The following CPAP variants were observed in gnomAD, a reference collection of about 807,000 sequenced individuals.
CPAP encodes the protein centrosome assembly and centriole elongation protein, also known as centrosomal P4.1-associated protein.
the CPAP span, chr13:24,889,375 CT>C: frequency 6.2e-7 from 1 of 1,611,222 alleles, no homozygotes; most frequent in Non-Finnish European, 8.5e-7. Context: ...AGAAATCTGA[CT>C]GTTTTGAAAT....
the CPAP span, chr13:24,884,327 CTT>C: frequency 6.2e-7 from 1 of 1,614,158 alleles, no homozygotes; most frequent in Non-Finnish European, 8.5e-7. Flanking sequence ...ACATACCACT[CTT>C]TGGTCTGGCA....
the CPAP span, chr13:24,922,999 T>G: frequency 1.3e-4 from 20 of 152,304 alleles, no homozygotes; most frequent in African/African-American, 4.8e-4. Flanking sequence ...GGGGATGGAC[T>G]GCGCGCCGCC....
At chr13:24,917,228 T>C in the CPAP span, among the ~76,000 whole-genome samples, 1 of 152,184 alleles carries the variant, frequency 6.6e-6, no homozygotes, top group African/African-American at 2.4e-5. Flanking sequence ...CACTCCTGCC[T>C]GGGGGACAGA....
At chr13:24,913,765 AG>A in the CPAP span, among the ~76,000 whole-genome samples, 10 of 152,276 alleles carry the variant, frequency 6.6e-5, no homozygotes, top group African/African-American at 2.4e-4. Flanking sequence ...GGCAGGTAGG[AG>A]AAATGTAATT....
the CPAP span, among the ~76,000 whole-genome samples, chr13:24,888,477 CA>C: frequency 3.3e-4 from 50 of 152,264 alleles, no homozygotes; most frequent in African/African-American, 9.9e-4. Context: ...AGGGCCTTAC[CA>C]GCTCACGGAA....
At chr13:24,910,140 T>G in the CPAP span, 10 of 1,542,830 alleles carry the variant, frequency 6.5e-6, no homozygotes, top group Admixed American at 1.7e-5. Context: ...ATTTTCTCTT[T>G]TATCCCCAGT....
At chr13:24,910,145 C>A in the CPAP span, 3 of 1,507,218 alleles carry the variant, frequency 2.0e-6, no homozygotes, top group African/African-American at 2.7e-5. Context: ...CTCTTTTATC[C>A]CCAGTAGTGA....
At chr13:24,894,277 G>T in the CPAP span, among the ~76,000 whole-genome samples, 1 of 152,222 alleles carries the variant, frequency 6.6e-6, no homozygotes, top group Non-Finnish European at 1.5e-5. Context: ...GGGTAAGAGC[G>T]GAGGCCAAGC....
chr13:24,902,267 C>CA, the CPAP span, among the ~76,000 whole-genome samples: 1 of 151,726 alleles, frequency 6.6e-6, no homozygotes, highest in Non-Finnish European at 1.5e-5. Flanking sequence ...AACAAAAAAA[C>CA]AAAAACCCAG....
At chr13:24,889,010 CAATG>C in the CPAP span, among the ~76,000 whole-genome samples, 1 of 152,012 alleles carries the variant, frequency 6.6e-6, no homozygotes, top group Non-Finnish European at 1.5e-5. Context: ...CAAAATGCTC[CAATG>C]AATGTTTCCT....
At chr13:24,898,989 T>A in the CPAP span, among the ~76,000 whole-genome samples, 1 of 152,246 alleles carries the variant, frequency 6.6e-6, no homozygotes, top group Non-Finnish European at 1.5e-5. Flanking sequence ...CTTCTAACTA[T>A]GAAATGAACA....
chr13:24,889,409 TAA>T, the CPAP span: 5 of 1,563,430 alleles, frequency 3.2e-6, no homozygotes, highest in South Asian at 2.3e-5. Context: ...TTCTATAGTA[TAA>T]GAGATAATTT....
chr13:24,886,911 C>T, the CPAP span, among the ~76,000 whole-genome samples: 1 of 152,112 alleles, frequency 6.6e-6, no homozygotes, highest in Non-Finnish European at 1.5e-5. Context: ...TTAACTTGAA[C>T]CCCCAAAGTA....
the CPAP span, among the ~76,000 whole-genome samples, chr13:24,909,630 G>A: frequency 6.6e-6 from 1 of 152,062 alleles, no homozygotes; most frequent in Non-Finnish European, 1.5e-5. Flanking sequence ...GGCTGATGGG[G>A]GAAGATTACT....
chr13:24,931,454 T>G, the CPAP span, among the ~76,000 whole-genome samples: 1 of 152,068 alleles, frequency 6.6e-6, no homozygotes. Flanking sequence ...TAGGTTGTAA[T>G]TATGAAACTT....
At chr13:24,905,709 C>T in the CPAP span, 1 of 1,614,168 alleles carries the variant, frequency 6.2e-7, no homozygotes, top group Non-Finnish European at 8.5e-7. Flanking sequence ...GGCTCAGACA[C>T]TTTATGTTTT....
the CPAP span, among the ~76,000 whole-genome samples, chr13:24,904,349 A>G: frequency 1.2e-4 from 18 of 152,344 alleles, no homozygotes; most frequent in African/African-American, 3.8e-4. Flanking sequence ...AAAGACGAAT[A>G]TATATAAATA....
At chr13:24,909,706 T>G in the CPAP span, 6 of 1,316,866 alleles carry the variant, frequency 4.6e-6, no homozygotes, top group Non-Finnish European at 6.4e-6. Flanking sequence ...AAAATAATTT[T>G]TAAAGAAAAA....
the CPAP span, chr13:24,903,811 C>T: frequency 1.7e-6 from 2 of 1,197,126 alleles, no homozygotes; most frequent in Non-Finnish European, 2.5e-6. Flanking sequence ...ATTTCACCTC[C>T]TTTTCAATTA....
Sources: gnomAD v4.1 joint callset for allele counts (sites outside exome capture counted in the v4.1 genomes callset) on GRCh38, gnomAD v4.1.1 for gene constraint, MANE v1.5 for transcripts, NCBI Gene and HGNC (gene_info 2026-07-23, HGNC 2026-07-21) for gene names.